TNRC6B: variants seen among roughly 807,000 people sequenced by gnomAD.
TNRC6B encodes the protein trinucleotide repeat-containing gene 6B protein.
In TNRC6B, 52 loss-of-function variants were observed where a neutral mutation model predicts 203.6. That is an observed-to-expected ratio of 0.26 (90% confidence interval 0.20 to 0.32). The LOEUF (loss-of-function observed/expected upper bound fraction) is 0.32. TNRC6B is among the 10% of genes least tolerant of loss of function. TNRC6B has a pLI of 1.00. For missense variants in TNRC6B, 1,923 were observed against 2,286.2 expected (o/e 0.84, Z 3.24); for synonymous variants, 838 against 845.7 (o/e 0.99, Z 0.16).
chr22:40,177,626 GC>G (rs1346328772), upstream of TNRC6B, among the ~76,000 whole-genome samples: 1 of 152,154 alleles, frequency 6.6e-6, no homozygotes, highest in African/African-American at 2.4e-5. Context: ...TAGCAAGCGA[GC>G]CAGGAGAAGA....
At chr22:40,250,825 A>G (rs1393186640) in intron 2 of TNRC6B, among the ~76,000 whole-genome samples, 2 of 151,800 alleles carry the variant, frequency 1.3e-5, no homozygotes, top group East Asian at 3.9e-4. Flanking sequence ...TTTTGTGTCT[A>G]TGGCTAATTT....
intron 1 of TNRC6B, among the ~76,000 whole-genome samples, chr22:40,214,852 C>T (rs1447682933): frequency 6.6e-6 from 1 of 152,170 alleles, no homozygotes; most frequent in Non-Finnish European, 1.5e-5. Flanking sequence ...CCACACCCAG[C>T]CTTGTGTTGT....
chr22:40,138,790 A>G (rs1173873028), intron 3 of TNRC6B, among the ~76,000 whole-genome samples: 2 of 152,198 alleles, frequency 1.3e-5, no homozygotes, highest in African/African-American at 4.8e-5. Flanking sequence ...CAACCTGAGC[A>G]TGGATAAGAA....
intron 1 of TNRC6B, among the ~76,000 whole-genome samples, chr22:40,052,841 T>C (rs60003013): frequency 0.044 from 6,726 of 152,250 alleles, 439 homozygotes; most frequent in African/African-American, 0.15. Context: ...TCTGACCAGT[T>C]GTGTAGTAGT....
At chr22:40,179,323 C>T (rs954107682) in intron 1 of TNRC6B, among the ~76,000 whole-genome samples, 2 of 152,028 alleles carry the variant, frequency 1.3e-5, no homozygotes, top group Non-Finnish European at 2.9e-5. Flanking sequence ...TGTGATGTGG[C>T]GGGTAAATTG....
chr22:40,162,184 C>T (rs2068877033), intron 4 of TNRC6B, among the ~76,000 whole-genome samples: 1 of 152,296 alleles, frequency 6.6e-6, no homozygotes, highest in South Asian at 2.1e-4. Context: ...GCAACCTCAA[C>T]CTCCCAGGTT....
chr22:40,229,933 C>G (rs1464006482), intron 1 of TNRC6B, among the ~76,000 whole-genome samples: 3 of 152,146 alleles, frequency 2.0e-5, no homozygotes. Context: ...ATCTACAAGT[C>G]TTTGTTGGAC....
chr22:40,083,618 T>C (rs113681391), intron 1 of TNRC6B, among the ~76,000 whole-genome samples: 287 of 152,184 alleles, frequency 1.9e-3, no homozygotes, highest in African/African-American at 6.6e-3. Context: ...GTGGGGGTGA[T>C]CCAGGAAACA....
chr22:40,170,777 ATG>A (rs1310303247), intron 4 of TNRC6B, among the ~76,000 whole-genome samples: 1 of 74,460 alleles, frequency 1.3e-5, no homozygotes, highest in Non-Finnish European at 2.5e-5. Context: ...ATATACATAT[ATG>A]TACATATATG....
chr22:40,246,103 G>T lies in TNRC6B; in HGVS notation c.93+1G>T. The T allele has an allele frequency of 6.5e-7, 1 of 1,547,116 alleles. No individual in the cohort carries two copies. The highest frequency in any genetic ancestry group is 8.7e-7 in the Non-Finnish European group (1 of 1,145,052). On this transcript the variant is annotated splice_donor_variant, in intron 2 of 22. Transcript: ENST00000454349. LOFTEE classifies it high-confidence loss of function. ...AAAGAAAAAAGAAGCCACTCAGAAGGTAGGTTTAATCAGTTAAGTCTGTCT... is the reference window on the plus strand; with the variant it reads ...AAAGAAAAAAGAAGCCACTCAGAAGTTAGGTTTAATCAGTTAAGTCTGTCT...
upstream of TNRC6B, among the ~76,000 whole-genome samples, chr22:40,175,195 A>G (rs1306807168): frequency 6.6e-6 from 1 of 151,970 alleles, no homozygotes; most frequent in Non-Finnish European, 1.5e-5. Flanking sequence ...TGTCTCTATT[A>G]AAAATACAAA....
intron 15 of TNRC6B, among the ~76,000 whole-genome samples, chr22:40,304,149 CT>C (rs1301760985): frequency 6.6e-6 from 1 of 152,188 alleles, no homozygotes; most frequent in African/African-American, 2.4e-5. Context: ...AAGGATACCT[CT>C]AAGTGAAAGA....
chr22:40,182,635 C>T (rs2069149062), intron 1 of TNRC6B, among the ~76,000 whole-genome samples: 1 of 152,200 alleles, frequency 6.6e-6, no homozygotes, highest in Admixed American at 6.6e-5. Context: ...GGCCCATTGC[C>T]TTCAATAGTT....
intron 1 of TNRC6B, among the ~76,000 whole-genome samples, chr22:40,198,293 C>T (rs1272772431): frequency 3.3e-5 from 5 of 152,054 alleles, no homozygotes; most frequent in South Asian, 2.1e-4. Flanking sequence ...TTAGTTTGGC[C>T]GTCTGAATTA....
chr22:40,091,429 A>T (rs565058589), intron 1 of TNRC6B, among the ~76,000 whole-genome samples: 1 of 152,102 alleles, frequency 6.6e-6, no homozygotes, highest in East Asian at 1.9e-4. Flanking sequence ...AATCCAGATT[A>T]TGTGAAGCTC....
At chr22:40,264,360 G>A (rs1244316040) in intron 4 of TNRC6B, among the ~76,000 whole-genome samples, 2 of 152,158 alleles carry the variant, frequency 1.3e-5, no homozygotes, top group Admixed American at 6.6e-5. Flanking sequence ...TCCAGCCAGG[G>A]GTGTTTAGAG....
Position 40,329,763 on chromosome 22 carries a change from T to TC in TNRC6B, c.*6523dup, listed in dbSNP as rs2071445625. The TC allele has an allele frequency of 3.3e-5, 5 of 152,312 alleles. No individual in the cohort carries two copies. The South Asian group carries it at 1.0e-3, about 32-fold the overall frequency. 9.4% of individuals were successfully genotyped at this position (152,312 alleles called of 1,614,324 possible). Reference sequence around the variant, plus strand: ...TAATATTTGAGTAGTTTTTAAGCTGTCAGTCTCTTGTCATAACCTCCTACC... The same window carrying TC: ...TAATATTTGAGTAGTTTTTAAGCTGTCCAGTCTCTTGTCATAACCTCCTACC... On this transcript the variant is annotated 3_prime_UTR_variant, in exon 23 of 23. Coordinates refer to ENST00000454349, the MANE Select transcript of TNRC6B (RefSeq NM_001162501.2).
In TNRC6B at chr22:40,320,553, T is replaced by C. The variant is rs80326441; in HGVS notation, c.4975-537T>C. ...TGAATAAGTTTGTTCATCCAACTCA[T>C]AGGTTAGGAAAATTGTCCCTAATCG... On this transcript the variant is annotated intron_variant, in intron 21 of 22. Transcript: ENST00000454349. Among the ~76,000 whole-genome samples the C allele has an allele frequency of 6.6e-3, 999 of 152,302 alleles. 6 individuals carry two copies. Among genetic ancestry groups the C allele is most frequent in the Middle Eastern group, 0.01 (3 of 294 alleles).
At chr22:40,128,055 G>A (rs963820667) in intron 3 of TNRC6B, among the ~76,000 whole-genome samples, 1 of 152,098 alleles carries the variant, frequency 6.6e-6, no homozygotes, top group African/African-American at 2.4e-5. Flanking sequence ...TTCAATTACT[G>A]AATAGTTTAT....
Sources: allele counts gnomAD v4.1 joint callset (sites outside exome capture counted in the v4.1 genomes callset), GRCh38; gene constraint gnomAD v4.1.1; transcripts MANE v1.5; gene names NCBI Gene and HGNC (gene_info 2026-07-23, HGNC 2026-07-21).